GRK3: variants seen among roughly 807,000 people sequenced by gnomAD.
The protein encoded by GRK3 is G protein-coupled receptor kinase 3.
GRK3 carries 54 observed loss-of-function variants against 95.7 expected under a neutral mutation model. The ratio of observed to expected loss-of-function variants is 0.56; its 90% CI spans 0.45 to 0.71. The LOEUF is 0.71. Ranked by LOEUF, GRK3 falls within the 30% of genes least tolerant of loss-of-function variation. The pLI is 0.00. For missense variants in GRK3, 649 were observed against 851.2 expected (o/e 0.76, Z 2.96); for synonymous variants, 281 against 290.8 (o/e 0.97, Z 0.34).
intron 3 of GRK3, chr22:25,648,335 T>G (rs2084802210): frequency 1.6e-6 from 2 of 1,257,906 alleles, no homozygotes; most frequent in Non-Finnish European, 2.3e-6. Flanking sequence ...CAGAACATGC[T>G]GATGGTTTAT....
chr22:25,583,182 T>G (rs2146320539), intron 1 of GRK3, among the ~76,000 whole-genome samples: 1 of 152,298 alleles, frequency 6.6e-6, no homozygotes, highest in South Asian at 2.1e-4. Flanking sequence ...GTCGCCTGTT[T>G]GCTAGTGGTA....
intron 1 of GRK3, among the ~76,000 whole-genome samples, chr22:25,565,791 T>C (rs1283617460): frequency 6.6e-6 from 1 of 152,198 alleles, no homozygotes; most frequent in Non-Finnish European, 1.5e-5. Context: ...CTCAGTATTC[T>C]TTTTGGTGCC....
In GRK3 at chr22:25,728,983, C is replaced by T. The variant is rs796829944; in HGVS notation, c.*6533C>T. 6.6e-5 allele frequency: 10 copies of T among 152,254 alleles called. No homozygotes were observed. Among genetic ancestry groups the T allele is most frequent in the African/African-American group, 1.4e-4 (6 of 41,540 alleles). 9.4% of individuals were successfully genotyped at this position (152,254 alleles called of 1,614,324 possible). ...CCGTTTTCTATTGTGCATTGCTATA[C>T]GAAGTGAAGCCAGTAAACTAGATAC... On this transcript the variant is annotated 3_prime_UTR_variant, in exon 21 of 21. Coordinates refer to ENST00000324198, the MANE Select transcript of GRK3 (RefSeq NM_005160.4).
chr22:25,683,100 A>G (rs753696983), intron 9 of GRK3, among the ~76,000 whole-genome samples: 5 of 152,250 alleles, frequency 3.3e-5, no homozygotes, highest in Non-Finnish European at 7.3e-5. Flanking sequence ...AATGGTTTTT[A>G]CATTTTTAAA....
In GRK3 at chr22:25,655,857, C is replaced by T. The variant is rs1386073612; in HGVS notation, c.265-5719C>T. Among the ~76,000 whole-genome samples the T allele has an allele frequency of 2.0e-5, 3 of 152,204 alleles. No homozygotes were observed. In the East Asian group the frequency reaches 5.8e-4, roughly 29 times the overall value. Reference sequence around the variant, plus strand: ...TAGTGATCGTCTTCTGCTTACTTCACAGGCTAACTGTGAGTTTCAAATAGG... The same window carrying T: ...TAGTGATCGTCTTCTGCTTACTTCATAGGCTAACTGTGAGTTTCAAATAGG... On this transcript the variant is annotated intron_variant, in intron 3 of 20. Transcript: ENST00000324198.
intron 15 of GRK3, among the ~76,000 whole-genome samples, chr22:25,707,780 G>T (rs1359561117): frequency 1.3e-5 from 2 of 152,188 alleles, no homozygotes; most frequent in South Asian, 4.1e-4. Context: ...CTTGGGCGCT[G>T]TATGAAGTGG....
intron 14 of GRK3, 86 bp downstream of exon 14, chr22:25,703,662 A>T: frequency 5.9e-6 from 6 of 1,013,608 alleles, no homozygotes; most frequent in African/African-American, 1.6e-5. Flanking sequence ...TATTACATAA[A>T]ATGTTATAGG....
chr22:25,696,476 T>C (rs2085209760), intron 13 of GRK3, among the ~76,000 whole-genome samples: 1 of 152,238 alleles, frequency 6.6e-6, no homozygotes, highest in African/African-American at 2.4e-5. Context: ...AATGTTGCCA[T>C]TAATTCTAAG....
intron 2 of GRK3, among the ~76,000 whole-genome samples, chr22:25,619,625 A>AG (rs2084565986): frequency 6.7e-6 from 1 of 149,916 alleles, no homozygotes; most frequent in Non-Finnish European, 1.5e-5. Flanking sequence ...CTAGGACTAC[A>AG]GGTGCACACG....
At chr22:25,642,622 T>G (rs1038807293) in intron 2 of GRK3, among the ~76,000 whole-genome samples, 2 of 152,178 alleles carry the variant, frequency 1.3e-5, no homozygotes, top group African/African-American at 4.8e-5. Context: ...TCTCCCATCC[T>G]CCTGCCTTTT....
intron 3 of GRK3, among the ~76,000 whole-genome samples, chr22:25,656,653 A>C (rs1389048402): frequency 1.3e-5 from 2 of 152,152 alleles, no homozygotes; most frequent in Admixed American, 6.5e-5. Flanking sequence ...TTAAACACCA[A>C]CATTATGCCA....
At chr22:25,618,001 G>T (rs1439297196) in intron 2 of GRK3, among the ~76,000 whole-genome samples, 1 of 152,212 alleles carries the variant, frequency 6.6e-6, no homozygotes, top group Non-Finnish European at 1.5e-5. Flanking sequence ...TTGAACTCCT[G>T]ACCTCAGGTG....
intron 2 of GRK3, among the ~76,000 whole-genome samples, chr22:25,611,854 A>C (rs370679371): frequency 3.0e-4 from 36 of 118,534 alleles, no homozygotes; most frequent in African/African-American, 1.1e-3. Flanking sequence ...TTTTTTTGAG[A>C]TGGAGTCTCA....
intron 2 of GRK3, among the ~76,000 whole-genome samples, chr22:25,620,196 A>G (rs1452034792): frequency 1.3e-5 from 2 of 152,094 alleles, no homozygotes; most frequent in Non-Finnish European, 2.9e-5. Flanking sequence ...AGGTGTATAT[A>G]TAGAGAGGCT....
intron 8 of GRK3, among the ~76,000 whole-genome samples, chr22:25,674,838 A>G (rs941906993): frequency 1.1e-4 from 17 of 152,096 alleles, no homozygotes; most frequent in Non-Finnish European, 1.9e-4. Flanking sequence ...AGTCCCAGCT[A>G]CTCAGGAGGC....
chr22:25,592,886 C>T (rs2146329306), intron 1 of GRK3, among the ~76,000 whole-genome samples: 1 of 152,152 alleles, frequency 6.6e-6, no homozygotes, highest in Non-Finnish European at 1.5e-5. Context: ...GTGTTTAGCT[C>T]CCACTTATAA....
chr22:25,573,286 ATAAT>A (rs1228249369), intron 1 of GRK3, among the ~76,000 whole-genome samples: 2 of 152,216 alleles, frequency 1.3e-5, no homozygotes, highest in South Asian at 2.1e-4. Flanking sequence ...TAAAATTATC[ATAAT>A]TAATTTAGTA....
chr22:25,589,365 C>G (rs1383794231), intron 1 of GRK3, among the ~76,000 whole-genome samples: 1 of 152,150 alleles, frequency 6.6e-6, no homozygotes, highest in Non-Finnish European at 1.5e-5. Context: ...TATCTGGTGT[C>G]TGGTCTTTCA....
intron 8 of GRK3, among the ~76,000 whole-genome samples, chr22:25,675,765 A>C (rs2085023582): frequency 6.6e-6 from 1 of 152,112 alleles, no homozygotes; most frequent in Non-Finnish European, 1.5e-5. Flanking sequence ...GGTCCAATGG[A>C]TGATATGTTT....
Sources: allele counts gnomAD v4.1 joint callset (sites outside exome capture counted in the v4.1 genomes callset), GRCh38; gene constraint gnomAD v4.1.1; transcripts MANE v1.5; gene names NCBI Gene and HGNC (gene_info 2026-07-23, HGNC 2026-07-21).